The following BLTP3A variants were observed in gnomAD, a reference collection of about 807,000 sequenced individuals.
The protein encoded by BLTP3A is bridge-like lipid transfer protein family member 3A, also known as ICBP90 binding protein 1.
At chr6:34,842,190 C>T in the BLTP3A span, among the ~76,000 whole-genome samples, 2 of 152,124 alleles carry the variant, frequency 1.3e-5, no homozygotes, top group Non-Finnish European at 2.9e-5. Flanking sequence ...CCTTCTTCCT[C>T]CAGTAGCCTA....
At chr6:34,849,446 G>A in the BLTP3A span, among the ~76,000 whole-genome samples, 3 of 152,000 alleles carry the variant, frequency 2.0e-5, no homozygotes, top group Non-Finnish European at 2.9e-5. Flanking sequence ...CAAGCAAAGA[G>A]GAAATTAACA....
chr6:34,872,606 T>A, the BLTP3A span: 1 of 834,612 alleles, frequency 1.2e-6, no homozygotes, highest in South Asian at 2.5e-5. Context: ...CTGTTCTTAC[T>A]TGGACTGAGG....
At chr6:34,869,277 C>T in the BLTP3A span, among the ~76,000 whole-genome samples, 1 of 152,142 alleles carries the variant, frequency 6.6e-6, no homozygotes. Flanking sequence ...GCTGGAATTA[C>T]AGGCCTGAGC....
chr6:34,812,696 T>C, the BLTP3A span, among the ~76,000 whole-genome samples: 1 of 152,028 alleles, frequency 6.6e-6, no homozygotes, highest in African/African-American at 2.4e-5. Flanking sequence ...TCTTGAACTC[T>C]TGGCTTCAAG....
chr6:34,808,147 C>T, the BLTP3A span, among the ~76,000 whole-genome samples: 2 of 151,728 alleles, frequency 1.3e-5, no homozygotes, highest in Non-Finnish European at 2.9e-5. Flanking sequence ...AGTGCGAGAC[C>T]AGCCTGACCA....
chr6:34,869,249 A>G, the BLTP3A span, among the ~76,000 whole-genome samples: 2 of 151,976 alleles, frequency 1.3e-5, no homozygotes, highest in South Asian at 4.2e-4. Flanking sequence ...CGATCTGTCC[A>G]TGTCAGCCTC....
At chr6:34,859,598 C>T in the BLTP3A span, 3 of 1,609,110 alleles carry the variant, frequency 1.9e-6, no homozygotes, top group Non-Finnish European at 2.5e-6. Context: ...CTCCTTCACT[C>T]ATCCCATCTC....
the BLTP3A span, among the ~76,000 whole-genome samples, chr6:34,864,660 A>T: frequency 2.0e-5 from 3 of 151,722 alleles, no homozygotes; most frequent in Non-Finnish European, 2.9e-5. Flanking sequence ...ATAGAAACTT[A>T]GGAAATGATC....
At chr6:34,832,858 T>G in the BLTP3A span, among the ~76,000 whole-genome samples, 2 of 152,330 alleles carry the variant, frequency 1.3e-5, no homozygotes, top group Admixed American at 6.5e-5. Flanking sequence ...TTGAAGTTCT[T>G]TATACATTAG....
chr6:34,835,164 C>T, the BLTP3A span: 4 of 1,045,888 alleles, frequency 3.8e-6, no homozygotes, highest in Admixed American at 7.6e-5. Flanking sequence ...GAAATTGTCT[C>T]TCCAAAGTGC....
At chr6:34,797,992 A>G in the BLTP3A span, among the ~76,000 whole-genome samples, 1 of 152,208 alleles carries the variant, frequency 6.6e-6, no homozygotes, top group South Asian at 2.1e-4. Context: ...GAACATGATC[A>G]TGTCACTAGC....
chr6:34,821,122 A>G, the BLTP3A span, among the ~76,000 whole-genome samples: 2 of 151,478 alleles, frequency 1.3e-5, no homozygotes, highest in Non-Finnish European at 2.9e-5. Flanking sequence ...ACACCCGGCT[A>G]ATTTAGTATT....
the BLTP3A span, among the ~76,000 whole-genome samples, chr6:34,809,063 G>A: frequency 3.3e-5 from 5 of 152,094 alleles, no homozygotes; most frequent in African/African-American, 9.7e-5. Context: ...GTATGACCTT[G>A]ATAAGAAAAA....
At chr6:34,834,731 T>G in the BLTP3A span, 1 of 1,613,892 alleles carries the variant, frequency 6.2e-7, no homozygotes, top group Non-Finnish European at 8.5e-7. Context: ...GTTTTAACAT[T>G]TAAGGAAATA....
At chr6:34,859,399 G>C in the BLTP3A span, 50 of 1,614,046 alleles carry the variant, frequency 3.1e-5, no homozygotes, top group Non-Finnish European at 4.2e-5. Context: ...GAAGAACATT[G>C]AGGGAGAATT....
At chr6:34,855,733 T>C in the BLTP3A span, 7,020 of 1,612,442 alleles carry the variant, frequency 4.4e-3, 27 homozygotes, top group African/African-American at 0.015. Context: ...GGGCCAATTC[T>C]CGCATAGCCC....
chr6:34,792,226 CT>C, the BLTP3A span: 1 of 1,533,450 alleles, frequency 6.5e-7, no homozygotes, highest in East Asian at 2.5e-5. Context: ...GCCCACCCGC[CT>C]TCCACGCGGG....
chr6:34,873,414 A>G, the BLTP3A span: 1 of 152,140 alleles, frequency 6.6e-6, no homozygotes, highest in African/African-American at 2.4e-5. Context: ...GGAGCTGAAT[A>G]TATGTTTTAA....
chr6:34,861,562 ATTTT>A, the BLTP3A span, among the ~76,000 whole-genome samples: 1 of 152,166 alleles, frequency 6.6e-6, no homozygotes, highest in African/African-American at 2.4e-5. Flanking sequence ...ATTTGGGTGT[ATTTT>A]CTTCCAATCT....
Sources: allele counts gnomAD v4.1 joint callset (sites outside exome capture counted in the v4.1 genomes callset), GRCh38; gene constraint gnomAD v4.1.1; transcripts MANE v1.5; gene names NCBI Gene and HGNC (gene_info 2026-07-23, HGNC 2026-07-21).